Variants in RANBP2 observed in about 807,000 individuals in gnomAD.
RANBP2 encodes E3 SUMO-protein ligase RanBP2.
Under a neutral mutation model 303.6 loss-of-function variants are expected in RANBP2, and 57 were observed. That is an observed-to-expected ratio of 0.19 (90% CI 0.15 to 0.23). The LOEUF is 0.23. RANBP2 is among the 10% of genes least tolerant of loss of function. RANBP2 has a pLI of 1.00. For missense variants in RANBP2, 3,138 were observed against 3,780.8 expected, an observed-to-expected ratio of 0.83 and a Z score of 4.46; for synonymous variants, 1,167 against 1,301.5, an observed-to-expected ratio of 0.90 and a Z score of 2.23.
the RANBP2 span, among the ~76,000 whole-genome samples, chr2:109,302,756 C>T: frequency 6.6e-6 from 1 of 152,072 alleles, no homozygotes; most frequent in Non-Finnish European, 1.5e-5. Context: ...TCAGACACGA[C>T]ATTTCACCTG....
the RANBP2 span, among the ~76,000 whole-genome samples, chr2:109,383,058 C>T: frequency 3.9e-5 from 6 of 152,332 alleles, no homozygotes; most frequent in South Asian, 6.2e-4. Flanking sequence ...TGGAGGAAAC[C>T]GGTGTCAGAT....
the RANBP2 span, chr2:109,503,711 G>C: frequency 6.6e-6 from 1 of 152,206 alleles, no homozygotes; most frequent in Non-Finnish European, 1.5e-5. Context: ...ACCAAGTCAA[G>C]TCTCCAGGTA....
the RANBP2 span, among the ~76,000 whole-genome samples, chr2:109,495,167 G>GA: frequency 1.3e-5 from 2 of 152,234 alleles, no homozygotes; most frequent in Admixed American, 1.3e-4. Context: ...TATGTGCAGA[G>GA]GGAGCTGAAT....
At chr2:108,799,159 C>T in the RANBP2 span, among the ~76,000 whole-genome samples, 1 of 152,118 alleles carries the variant, frequency 6.6e-6, no homozygotes, top group African/African-American at 2.4e-5. Context: ...ACCTCACCAT[C>T]TTTGAAGAAT....
the RANBP2 span, among the ~76,000 whole-genome samples, chr2:108,813,262 A>AAG: frequency 4.0e-5 from 6 of 150,246 alleles, no homozygotes; most frequent in African/African-American, 1.5e-4. Flanking sequence ...AAAAAAAAAA[A>AAG]AAAAAAAAAA....
the RANBP2 span, among the ~76,000 whole-genome samples, chr2:109,396,044 G>A: frequency 6.6e-6 from 1 of 152,218 alleles, no homozygotes; most frequent in African/African-American, 2.4e-5. Flanking sequence ...CGCGTGGCAG[G>A]TGTGTTTAGA....
the RANBP2 span, among the ~76,000 whole-genome samples, chr2:109,548,377 G>A: frequency 6.6e-6 from 1 of 152,168 alleles, no homozygotes; most frequent in Non-Finnish European, 1.5e-5. Context: ...AACAAAGCAG[G>A]ACTTGGTGTC....
At chr2:109,302,173 G>A in the RANBP2 span, among the ~76,000 whole-genome samples, 20 of 152,316 alleles carry the variant, frequency 1.3e-4, no homozygotes, top group Non-Finnish European at 2.2e-4. Flanking sequence ...CAAAGCTGGC[G>A]TTGGTACTCC....
At chr2:108,934,654 G>A in the RANBP2 span, among the ~76,000 whole-genome samples, 1 of 152,170 alleles carries the variant, frequency 6.6e-6, no homozygotes, top group Non-Finnish European at 1.5e-5. Context: ...ATATGGCAGA[G>A]GGCATCACAT....
At chr2:109,460,943 T>C in the RANBP2 span, among the ~76,000 whole-genome samples, 2 of 152,208 alleles carry the variant, frequency 1.3e-5, no homozygotes, top group Non-Finnish European at 2.9e-5. Context: ...CTGCCCACTT[T>C]CAGGTGGTGC....
the RANBP2 span, among the ~76,000 whole-genome samples, chr2:109,396,057 G>A: frequency 4.7e-4 from 72 of 152,260 alleles, 1 homozygote; most frequent in African/African-American, 1.3e-3. Flanking sequence ...TGTTTAGAAC[G>A]TGCTCCGATG....
chr2:109,709,866 T>C, the RANBP2 span, among the ~76,000 whole-genome samples: 1 of 152,066 alleles, frequency 6.6e-6, no homozygotes, highest in Non-Finnish European at 1.5e-5. Flanking sequence ...GGAGGGCAGA[T>C]CACCTGAGGT....
At chr2:108,962,674 C>CA in the RANBP2 span, among the ~76,000 whole-genome samples, 517 of 66,846 alleles carry the variant, frequency 7.7e-3, 18 homozygotes, top group African/African-American at 0.031. Flanking sequence ...GACTCTGTCT[C>CA]AAAAAAAAAA....
chr2:109,764,089 G>GGATAA, the RANBP2 span, among the ~76,000 whole-genome samples: 1 of 147,872 alleles, frequency 6.8e-6, no homozygotes, highest in African/African-American at 2.5e-5. Flanking sequence ...CCAGATGGCT[G>GGATAA]TTTCAACTTT....
chr2:109,621,642 G>A, the RANBP2 span, among the ~76,000 whole-genome samples: 8 of 152,018 alleles, frequency 5.3e-5, no homozygotes, highest in East Asian at 5.8e-4. Flanking sequence ...GGCCAGGTGC[G>A]GTGGCCTACA....
At chr2:108,754,772 G>A (rs1415491378) in intron 15 of RANBP2, 133 bp from the exon 16 acceptor site, 10 of 1,072,070 alleles carry the variant, frequency 9.3e-6, no homozygotes, top group African/African-American at 3.2e-5. Flanking sequence ...ACACTTTCAC[G>A]TGTATTATTT....
At chr2:109,585,463 C>T in the RANBP2 span, 1 of 719,328 alleles carries the variant, frequency 1.4e-6, no homozygotes. Context: ...TACGGCTGGT[C>T]CCCCAAGTCA....
intron 13 of RANBP2, 77 bp from the exon 14 acceptor site, chr2:108,753,349 T>G: frequency 6.2e-7 from 1 of 1,603,376 alleles, no homozygotes; most frequent in Non-Finnish European, 8.5e-7. Flanking sequence ...TAAGATCATA[T>G]AAAATCTTTG....
intron 7 of RANBP2, among the ~76,000 whole-genome samples, chr2:108,741,127 T>G (rs1324257295): frequency 3.9e-5 from 6 of 152,176 alleles, no homozygotes; most frequent in Non-Finnish European, 2.9e-5. Context: ...GTATATAACA[T>G]TTATGACTGT....
Sources: allele counts gnomAD v4.1 joint callset (sites outside exome capture counted in the v4.1 genomes callset), GRCh38; gene constraint gnomAD v4.1.1; transcripts MANE v1.5; gene names NCBI Gene and HGNC (gene_info 2026-07-23, HGNC 2026-07-21).